The following ZBTB20 variants were observed in gnomAD, a reference collection of about 807,000 sequenced individuals.
ZBTB20 encodes the protein zinc finger and BTB domain containing 20.
In ZBTB20, 9 loss-of-function variants were observed where a neutral mutation model predicts 56.9. That is an observed-to-expected ratio of 0.16 (90% CI 0.10 to 0.28). The LOEUF (loss-of-function observed/expected upper bound fraction) is 0.28. Among genes scored for constraint, ZBTB20 ranks in the 10% least tolerant of loss-of-function variants. The pLI, the probability that ZBTB20 is intolerant of heterozygous loss-of-function variation, is 1.00. For missense variants in ZBTB20, 655 were observed against 1,003.0 expected (o/e 0.65, Z 4.69); for synonymous variants, 417 against 420.7 (o/e 0.99, Z 0.11).
At chr3:114,698,822 G>A (rs1291040088) in intron 5 of ZBTB20, among the ~76,000 whole-genome samples, 1 of 152,088 alleles carries the variant, frequency 6.6e-6, no homozygotes, top group Admixed American at 6.6e-5. Flanking sequence ...TGTCAAAGAT[G>A]CTTTAATGAC....
At chr3:114,518,719 C>G (rs979330283) in intron 6 of ZBTB20, 2 of 152,164 alleles carry the variant, frequency 1.3e-5, no homozygotes, top group African/African-American at 4.8e-5. Flanking sequence ...ATATTCTGGG[C>G]CCTTTAAGGG....
chr3:114,536,226 T>C (rs1347611671), intron 6 of ZBTB20, among the ~76,000 whole-genome samples: 2 of 152,242 alleles, frequency 1.3e-5, no homozygotes, highest in Non-Finnish European at 2.9e-5. Context: ...GCAGATGACA[T>C]GATTGTGTAT....
At chr3:114,634,575 A>G (rs2059150649) in intron 6 of ZBTB20, among the ~76,000 whole-genome samples, 1 of 152,220 alleles carries the variant, frequency 6.6e-6, no homozygotes, top group Admixed American at 6.5e-5. Context: ...AAATACTGAT[A>G]AAACAATGTT....
intron 11 of ZBTB20, among the ~76,000 whole-genome samples, chr3:114,348,871 T>C (rs549449637): frequency 5.6e-4 from 86 of 152,296 alleles, no homozygotes; most frequent in Non-Finnish European, 7.1e-4. Context: ...TTCGAGTATG[T>C]AACTTTTCCC....
At chr3:114,598,942 TAAGA>T (rs1013287041) in intron 6 of ZBTB20, among the ~76,000 whole-genome samples, 2 of 152,000 alleles carry the variant, frequency 1.3e-5, no homozygotes, top group African/African-American at 4.8e-5. Context: ...ACAGTGTAAG[TAAGA>T]AAGATCCTTT....
intron 6 of ZBTB20, among the ~76,000 whole-genome samples, chr3:114,684,856 A>C (rs992951628): frequency 1.3e-5 from 2 of 152,114 alleles, no homozygotes; most frequent in African/African-American, 4.8e-5. Context: ...TCCCTTTGAC[A>C]ATGAGTGGGC....
At chr3:115,038,543 A>C (rs1351288509) in intron 2 of ZBTB20, among the ~76,000 whole-genome samples, 4 of 152,144 alleles carry the variant, frequency 2.6e-5, no homozygotes, top group African/African-American at 9.7e-5. Flanking sequence ...ATAACATAGA[A>C]TACTTGTTGA....
chr3:114,933,893 G>A (rs960342357), intron 3 of ZBTB20, among the ~76,000 whole-genome samples: 4 of 152,114 alleles, frequency 2.6e-5, no homozygotes, highest in Non-Finnish European at 4.4e-5. Flanking sequence ...TATCAGCAAA[G>A]CAATATGCTC....
At chr3:114,341,838 G>C (rs2079795966) in intron 11 of ZBTB20, among the ~76,000 whole-genome samples, 1 of 152,172 alleles carries the variant, frequency 6.6e-6, no homozygotes, top group Admixed American at 6.5e-5. Context: ...CTGAGTCCGT[G>C]GTGGACTGCA....
At chr3:114,649,994 C>A (rs904593529) in intron 6 of ZBTB20, among the ~76,000 whole-genome samples, 2 of 151,858 alleles carry the variant, frequency 1.3e-5, no homozygotes, top group Non-Finnish European at 1.5e-5. Context: ...AGGCACTACA[C>A]AAACTCTGCC....
At chr3:114,620,821 T>A (rs1181776070) in intron 6 of ZBTB20, among the ~76,000 whole-genome samples, 1 of 152,148 alleles carries the variant, frequency 6.6e-6, no homozygotes, top group African/African-American at 2.4e-5. Context: ...TAAATGAAGG[T>A]AGATTTGTAA....
intron 6 of ZBTB20, among the ~76,000 whole-genome samples, chr3:114,583,459 C>T (rs2054861834): frequency 6.6e-6 from 1 of 151,818 alleles, no homozygotes; most frequent in African/African-American, 2.4e-5. Flanking sequence ...TTACAAGGAC[C>T]AACTCAAACA....
intron 10 of ZBTB20, among the ~76,000 whole-genome samples, chr3:114,372,031 A>T (rs2083077745): frequency 6.6e-6 from 1 of 152,208 alleles, no homozygotes. Context: ...TCCTTAAAGC[A>T]AGAAGTCCTT....
chr3:114,572,285 A>G (rs1044574051), intron 6 of ZBTB20, among the ~76,000 whole-genome samples: 2 of 152,196 alleles, frequency 1.3e-5, no homozygotes, highest in South Asian at 4.1e-4. Flanking sequence ...TTCCAAAGAA[A>G]CTTGCCTAGA....
intron 6 of ZBTB20, among the ~76,000 whole-genome samples, chr3:114,573,960 T>C (rs905226919): frequency 6.6e-6 from 1 of 152,200 alleles, no homozygotes; most frequent in Non-Finnish European, 1.5e-5. Flanking sequence ...CTCTTTACAT[T>C]TGAATGTATT....
At chr3:114,793,397 G>T (rs1269336972) in intron 5 of ZBTB20, among the ~76,000 whole-genome samples, 2 of 151,862 alleles carry the variant, frequency 1.3e-5, no homozygotes, top group East Asian at 3.9e-4. Flanking sequence ...AGTAGATCTA[G>T]GTTATTGGAA....
At chr3:115,144,294 G>T (rs2084903068) in intron 1 of ZBTB20, among the ~76,000 whole-genome samples, 1 of 151,978 alleles carries the variant, frequency 6.6e-6, no homozygotes, top group African/African-American at 2.4e-5. Flanking sequence ...ATTCAGACTG[G>T]CCTTTTTTTC....
intron 5 of ZBTB20, among the ~76,000 whole-genome samples, chr3:114,715,864 T>G (rs1277781822): frequency 6.6e-6 from 1 of 152,208 alleles, no homozygotes; most frequent in African/African-American, 2.4e-5. Flanking sequence ...GCTTACACAT[T>G]GCTAACAGAT....
chr3:114,596,571 A>C (rs1195667950), intron 6 of ZBTB20, among the ~76,000 whole-genome samples: 1 of 152,170 alleles, frequency 6.6e-6, no homozygotes, highest in Non-Finnish European at 1.5e-5. Context: ...TCTGCATTTA[A>C]GTGCGGTTAT....
Sources: allele counts gnomAD v4.1 joint callset (sites outside exome capture counted in the v4.1 genomes callset), GRCh38; gene constraint gnomAD v4.1.1; transcripts MANE v1.5; gene names NCBI Gene and HGNC (gene_info 2026-07-23, HGNC 2026-07-21).